The following CTSC variants were observed in gnomAD, a reference collection of about 807,000 sequenced individuals.
The protein encoded by CTSC is cathepsin C, also known as dipeptidyl peptidase 1.
CTSC carries 37 observed loss-of-function variants against 40.9 expected under a neutral mutation model. The ratio of observed to expected loss-of-function variants is 0.91; its 90% CI spans 0.70 to 1.19. The LOEUF is 1.19. Ranked by LOEUF, CTSC falls within the 50% of genes most tolerant of loss-of-function variation. CTSC has a pLI of 0.00. For missense variants in CTSC, 594 were observed against 567.3 expected, an observed-to-expected ratio of 1.05 and a Z score of -0.48; for synonymous variants, 232 against 207.4, an observed-to-expected ratio of 1.12 and a Z score of -1.02.
chr11:88,299,097 A>T, intron 5 of CTSC: 1 of 152,262 alleles, frequency 6.6e-6, no homozygotes, highest in African/African-American at 2.4e-5. Flanking sequence ...AAAAAATCCT[A>T]ATATATTTTA....
intron 3 of CTSC, among the ~76,000 whole-genome samples, chr11:88,311,276 C>A (rs552650): frequency 0.14 from 20,899 of 152,096 alleles, 1,524 homozygotes; most frequent in East Asian, 0.22. Flanking sequence ...TAGGATCAAG[C>A]CAAACAAAGC....
intron 2 of CTSC, among the ~76,000 whole-genome samples, chr11:88,332,375 C>T (rs1259257510): frequency 6.6e-6 from 1 of 152,180 alleles, no homozygotes; most frequent in Non-Finnish European, 1.5e-5. Context: ...TCCTTTCAAG[C>T]ACGGTTTCCC....
chr11:88,330,482 G>A (rs897605579), intron 2 of CTSC, among the ~76,000 whole-genome samples: 1 of 151,934 alleles, frequency 6.6e-6, no homozygotes, highest in African/African-American at 2.4e-5. Context: ...CTGAATAGCT[G>A]GGATTACAGG....
chr11:88,319,895 G>C (rs1412245331), intron 2 of CTSC, among the ~76,000 whole-genome samples: 1 of 152,090 alleles, frequency 6.6e-6, no homozygotes, highest in Non-Finnish European at 1.5e-5. Context: ...TTATATTCCA[G>C]CAACATTAAA....
intron 2 of CTSC, among the ~76,000 whole-genome samples, chr11:88,317,259 G>A (rs986003897): frequency 8.5e-5 from 13 of 152,136 alleles, no homozygotes; most frequent in African/African-American, 2.4e-4. Context: ...GATCCACCAC[G>A]GCCAGCCTTC....
At chr11:88,296,844 G>A (rs1190256578) in intron 5 of CTSC, 2 of 158,060 alleles carry the variant, frequency 1.3e-5, no homozygotes, top group Non-Finnish European at 2.8e-5. Context: ...GTCAGCCTGT[G>A]AGTCCTATTT....
chr11:88,326,440 A>G (rs977996570), intron 2 of CTSC: 12 of 1,609,834 alleles, frequency 7.5e-6, no homozygotes, highest in Non-Finnish European at 9.4e-6. Flanking sequence ...GCTCTATTTA[A>G]TAACTACAAG....
chr11:88,323,263 A>G (rs947370866), intron 2 of CTSC: 2 of 152,230 alleles, frequency 1.3e-5, no homozygotes, highest in Non-Finnish European at 2.9e-5. Flanking sequence ...TATTGAAGGA[A>G]CGTATCTCAA....
intron 1 of CTSC, 85 bp from the exon 2 acceptor site, chr11:88,335,167 G>A (rs1938461638): frequency 8.8e-6 from 8 of 906,670 alleles, no homozygotes; most frequent in Non-Finnish European, 1.2e-5. Flanking sequence ...AATTTTAATT[G>A]TGCTGCTTTC....
In CTSC at chr11:88,300,626, T is replaced by A. The variant is rs768342830; in HGVS notation, c.661A>T (p.Thr221Ser). 1.2e-6 allele frequency: 2 copies of A among 1,611,928 alleles called. No individual in the cohort carries two copies. The highest frequency in any genetic ancestry group is 1.7e-6 in the Non-Finnish European group (2 of 1,177,956). Residue 221 changes from threonine (T) to serine (S), a missense_variant, in exon 5 of 7, where the codon ACT becomes TCT. Physicochemically the swap from Thr to Ser is moderately conservative, Grantham distance 58. Coordinates refer to ENST00000227266, the MANE Select transcript of CTSC (RefSeq NM_001814.6). ...KIPRPKPAPL[T>S]AEIQQKILHL... ...AAAATCTTTTGCTGTATTTCAGCAG[T>A]CAGTGGTGCAGGTTTGGGCCTAGAA...
chr11:88,307,556 C>CTT (rs5793311), intron 4 of CTSC, among the ~76,000 whole-genome samples: 813 of 73,150 alleles, frequency 0.011, 17 homozygotes, highest in African/African-American at 0.03. Context: ...ATACTGATAA[C>CTT]TTTTTTTTTT....
intron 2 of CTSC, among the ~76,000 whole-genome samples, chr11:88,330,353 CT>C (rs573335585): frequency 8.6e-5 from 13 of 152,002 alleles, no homozygotes; most frequent in Non-Finnish European, 1.6e-4. Flanking sequence ...AAGAAAAAAT[CT>C]TTCATTTTTT....
At chr11:88,300,155 G>T (rs1358263036) in intron 5 of CTSC, among the ~76,000 whole-genome samples, 3 of 152,156 alleles carry the variant, frequency 2.0e-5, no homozygotes, top group African/African-American at 7.2e-5. Context: ...GGGAATACAG[G>T]AACAGGTATC....
intron 2 of CTSC, among the ~76,000 whole-genome samples, chr11:88,332,355 G>A (rs1465462495): frequency 1.3e-5 from 2 of 152,106 alleles, no homozygotes; most frequent in African/African-American, 2.4e-5. Flanking sequence ...TGTTTTCCTT[G>A]AGTTACGCAT....
intron 4 of CTSC, among the ~76,000 whole-genome samples, chr11:88,301,649 C>G (rs1177034016): frequency 6.6e-6 from 1 of 152,116 alleles, no homozygotes; most frequent in Non-Finnish European, 1.5e-5. Context: ...TAGAACCACA[C>G]CTTATATGAC....
Position 88,328,488 on chromosome 11 carries a change from A to G in CTSC, c.318+6449T>C, listed in dbSNP as rs56005632. On this transcript the variant is annotated intron_variant, in intron 2 of 6. Coordinates refer to ENST00000227266, the MANE Select transcript of CTSC (RefSeq NM_001814.6). ...CCAGAAGGCTCAGTGAAAAAATGTCACAATATTCCCAAATCTTTTATTGTA... is the reference window on the plus strand; with the variant it reads ...CCAGAAGGCTCAGTGAAAAAATGTCGCAATATTCCCAAATCTTTTATTGTA... Among the ~76,000 whole-genome samples, 9,777 of 152,322 alleles carry G rather than the reference A, an allele frequency of 0.064. 410 individuals carry two copies. Among genetic ancestry groups the G allele is most frequent in the Non-Finnish European group, 0.096 (6,506 of 68,024 alleles).
At chr11:88,324,597 TG>T in intron 2 of CTSC, 1 of 984,770 alleles carries the variant, frequency 1.0e-6, no homozygotes, top group Non-Finnish European at 1.2e-6. Context: ...CAAAGTTCTA[TG>T]TGCATTAGGT....
chr11:88,334,482 A>C (rs906750501), intron 2 of CTSC, among the ~76,000 whole-genome samples: 1 of 152,170 alleles, frequency 6.6e-6, no homozygotes, highest in African/African-American at 2.4e-5. Context: ...CATATTTAGT[A>C]CATTTAAGAT....
In CTSC at chr11:88,296,194, G is replaced by T; in HGVS notation, c.828C>A (p.Asn276Lys). 1 of 1,614,004 alleles carries T rather than the reference G, an allele frequency of 6.2e-7. No individual in the cohort carries two copies. Among genetic ancestry groups the T allele is most frequent in the Non-Finnish European group, 8.5e-7 (1 of 1,179,916 alleles). The change falls in exon 6 of 7, where the codon AAC (asparagine) becomes AAA (lysine). Residue 276 changes from asparagine (N) to lysine (K), a missense_variant. Transcript: ENST00000227266. ...GGCTTAGGATTGGGGTCTGAGAATTGTTGGTTAGTATACGGATTCTCGCTT... is the reference window on the plus strand; with the variant it reads ...GGCTTAGGATTGGGGTCTGAGAATTTTTGGTTAGTATACGGATTCTCGCTT... ...MLEARIRILT[N>K]NSQTPILSPQ... is the part of the protein sequence containing the mutation.
Sources: gnomAD v4.1 joint callset for allele counts (sites outside exome capture counted in the v4.1 genomes callset) on GRCh38, gnomAD v4.1.1 for gene constraint, MANE v1.5 for transcripts, NCBI Gene and HGNC (gene_info 2026-07-23, HGNC 2026-07-21) for gene names.